The following USP34 variants were observed in gnomAD, a reference collection of about 807,000 sequenced individuals.
The protein encoded by USP34 is ubiquitin carboxyl-terminal hydrolase 34.
A neutral mutation model predicts 460.3 loss-of-function variants in USP34; 70 were observed. The ratio of observed to expected loss-of-function variants is 0.15; its 90% CI spans 0.13 to 0.19. The LOEUF (loss-of-function observed/expected upper bound fraction) is 0.19. USP34 is among the 10% of genes least tolerant of loss of function. The pLI, the probability that USP34 is intolerant of heterozygous loss-of-function variation, is 1.00. For synonymous variants in USP34, 1,647 were observed against 1,405.3 expected (o/e 1.17, Z -3.85); for missense variants, 3,985 against 4,236.2 (o/e 0.94, Z 1.65).
intron 25 of USP34, among the ~76,000 whole-genome samples, chr2:61,313,602 C>G (rs886415172): frequency 3.3e-5 from 5 of 152,018 alleles, no homozygotes; most frequent in African/African-American, 9.7e-5. Flanking sequence ...CACATTTGCT[C>G]TTTTTAAAAT....
Position 61,301,420 on chromosome 2 carries a change from A to G in USP34, c.3852T>C (p.Ser1284=), listed in dbSNP as rs752481437. 1.2e-6 allele frequency: 2 copies of G among 1,614,024 alleles called. No individual in the cohort carries two copies. Among genetic ancestry groups the G allele is most frequent in the Admixed American group, 1.7e-5 (1 of 60,002 alleles). ...CATAATCTGTTGTTAACTCGTGTCC[A>G]GATGAAATCATCCTGACAGGTCCCA... is the stretch of plus-strand genomic sequence containing the variant. ...GLMGPVRMIS[S]GHELTTDYDE... Residue 1284 remains serine, a synonymous_variant, in exon 28 of 80, where the codon TCT becomes TCC. Transcript: ENST00000398571.
At chr2:61,298,730 C>A (rs947917812) in intron 29 of USP34, among the ~76,000 whole-genome samples, 2 of 151,466 alleles carry the variant, frequency 1.3e-5, no homozygotes, top group Admixed American at 6.6e-5. Flanking sequence ...TTTCTAAAAG[C>A]CCAGAAAAGA....
intron 1 of USP34, among the ~76,000 whole-genome samples, chr2:61,454,768 C>T (rs537604345): frequency 1.4e-5 from 2 of 147,292 alleles, no homozygotes; most frequent in East Asian, 4.2e-4. Flanking sequence ...AGGCTGGTCT[C>T]GAACTCCTGA....
At chr2:61,450,056 ACT>A (rs1220445412) in intron 1 of USP34, among the ~76,000 whole-genome samples, 1 of 151,444 alleles carries the variant, frequency 6.6e-6, no homozygotes, top group Non-Finnish European at 1.5e-5. Flanking sequence ...ACAAACCAAG[ACT>A]CTGTCTCAAA....
At position 61,203,016 on chromosome 2, in the gene USP34, A is replaced by G. The variant is rs900787253; in HGVS notation, c.9508+124T>C. On this transcript the variant is annotated intron_variant, in intron 75 of 79. Transcript: ENST00000398571. Reference sequence around the variant, plus strand: ...AATTAAAATGTTCCCAAGAATATTAATATTTTTAAGCATTCACTTTAAAAA... The same window carrying G: ...AATTAAAATGTTCCCAAGAATATTAGTATTTTTAAGCATTCACTTTAAAAA... 13 of 1,042,360 alleles carry G rather than the reference A, an allele frequency of 1.2e-5. No homozygotes were observed. In the East Asian group the frequency reaches 2.7e-4, roughly 22 times the overall value. The allele number at this position is 1,042,360 out of a possible 1,614,324, so 64.6% of individuals were successfully genotyped here. A position where few individuals can be genotyped will look rare whatever the true frequency, so the allele number is the denominator to read the frequency against.
At chr2:61,451,701 A>C (rs886836337) in intron 1 of USP34, among the ~76,000 whole-genome samples, 1 of 152,004 alleles carries the variant, frequency 6.6e-6, no homozygotes, top group Non-Finnish European at 1.5e-5. Context: ...AAACAAAAAA[A>C]CAAAAAACCA....
intron 1 of USP34, among the ~76,000 whole-genome samples, chr2:61,460,040 C>T (rs1331036266): frequency 6.6e-6 from 1 of 152,088 alleles, no homozygotes; most frequent in Non-Finnish European, 1.5e-5. Flanking sequence ...CCAGCCTGAG[C>T]GACAGAGCAA....
chr2:61,262,132 TAGATAG>T (rs1450957583), intron 43 of USP34, among the ~76,000 whole-genome samples: 58 of 111,546 alleles, frequency 5.2e-4, no homozygotes, highest in Admixed American at 1.5e-3. Context: ...TATATATATA[TAGATAG>T]ATAGATAGAT....
intron 61 of USP34, among the ~76,000 whole-genome samples, chr2:61,227,960 T>G (rs1687778117): frequency 6.6e-6 from 1 of 152,228 alleles, no homozygotes; most frequent in Non-Finnish European, 1.5e-5. Flanking sequence ...AAAGAGATAT[T>G]CACTTGGGCT....
intron 49 of USP34, among the ~76,000 whole-genome samples, chr2:61,247,822 T>C (rs986119459): frequency 3.3e-5 from 5 of 152,084 alleles, no homozygotes; most frequent in Non-Finnish European, 2.9e-5. Flanking sequence ...TGAGACAGAG[T>C]CTCGCTCTGT....
chr2:61,239,300 T>TCTCTCACACACACACA (rs1213558114), intron 53 of USP34, among the ~76,000 whole-genome samples: 1 of 132,768 alleles, frequency 7.5e-6, no homozygotes, highest in African/African-American at 2.9e-5. Flanking sequence ...GAGGGCCCTG[T>TCTCTCACACACACACA]CACACACACA....
chr2:61,314,498 A>G (rs936625811), intron 25 of USP34, 87 bp downstream of exon 25: 16 of 1,246,298 alleles, frequency 1.3e-5, no homozygotes, highest in Non-Finnish European at 1.7e-5. Flanking sequence ...CCCCAACAAA[A>G]ACTTTAGATT....
At chr2:61,301,306 T>C (rs373793557) in intron 28 of USP34, 48 bp downstream of exon 28, 6 of 1,579,344 alleles carry the variant, frequency 3.8e-6, no homozygotes, top group Non-Finnish European at 2.6e-6. Flanking sequence ...ATTCAACTGA[T>C]GATTATAAAC....
intron 1 of USP34, among the ~76,000 whole-genome samples, chr2:61,440,083 C>G (rs903168987): frequency 3.9e-5 from 6 of 152,126 alleles, no homozygotes; most frequent in African/African-American, 1.4e-4. Context: ...TCTGAGGGCT[C>G]ACTGAGGCAC....
chr2:61,219,841 AT>A (rs1687508180), intron 67 of USP34, among the ~76,000 whole-genome samples: 1 of 152,018 alleles, frequency 6.6e-6, no homozygotes, highest in Non-Finnish European at 1.5e-5. Flanking sequence ...TTCTATGTTT[AT>A]TTCCAAGCAA....
At chr2:61,445,982 G>A (rs1695104031) in intron 1 of USP34, among the ~76,000 whole-genome samples, 1 of 151,088 alleles carries the variant, frequency 6.6e-6, no homozygotes, top group South Asian at 2.1e-4. Context: ...GTAACTTGGT[G>A]GGCACCTGTA....
chr2:61,341,883 G>A (rs866796359), intron 16 of USP34, among the ~76,000 whole-genome samples: 7 of 148,890 alleles, frequency 4.7e-5, no homozygotes, highest in Admixed American at 1.4e-4. Context: ...CTGCCTCAGC[G>A]TCCCGAGTAG....
At chr2:61,191,966 A>G (rs935342671) in intron 76 of USP34, among the ~76,000 whole-genome samples, 7 of 152,208 alleles carry the variant, frequency 4.6e-5, no homozygotes, top group Admixed American at 2.0e-4. Flanking sequence ...TGTAGAGAAC[A>G]ACGTGGCATT....
rs768121375 is a variant in USP34, at chr2:61,214,413, T to G, written c.8329A>C (p.Met2777Leu). The G allele has an allele frequency of 6.2e-7, 1 of 1,614,168 alleles. No individual in the cohort carries two copies. The highest frequency in any genetic ancestry group is 1.7e-5 in the Admixed American group (1 of 60,026). ...TEKLMFSTYF[M>L]DLWNLFQPKL... ...GGCTGGAAAAGGTTCCACAAATCCA[T>G]GAAATATGTGGAAAACATCAGCTTC... The change falls in exon 68 of 80, where the codon ATG (methionine) becomes CTG (leucine). Residue 2777 changes from methionine to leucine, a missense_variant. Physicochemically the swap from Met to Leu is conservative, Grantham distance 15. Coordinates refer to ENST00000398571, the MANE Select transcript of USP34 (RefSeq NM_014709.4).
Sources: allele counts gnomAD v4.1 joint callset (sites outside exome capture counted in the v4.1 genomes callset), GRCh38; gene constraint gnomAD v4.1.1; transcripts MANE v1.5; gene names NCBI Gene and HGNC (gene_info 2026-07-23, HGNC 2026-07-21).